PTPRS: variants seen among roughly 807,000 people sequenced by gnomAD.
The protein encoded by PTPRS is protein tyrosine phosphatase receptor type S.
Under a neutral mutation model 215.3 loss-of-function variants are expected in PTPRS, and 63 were observed. The observed-to-expected ratio is 0.29, with a 90% CI of 0.24 to 0.36. The LOEUF (loss-of-function observed/expected upper bound fraction) is 0.36, where lower values mean the gene tolerates loss of function less well. Among genes scored for constraint, PTPRS ranks in the 10% least tolerant of loss-of-function variants. PTPRS has a pLI of 1.00. For synonymous variants in PTPRS, 1,404 were observed against 1,191.4 expected (o/e 1.18, Z -3.68); for missense variants, 2,258 against 2,825.8 (o/e 0.80, Z 4.56).
chr19:5,271,531 C>G (rs2046909778), intron 4 of PTPRS, among the ~76,000 whole-genome samples: 1 of 151,496 alleles, frequency 6.6e-6, no homozygotes, highest in African/African-American at 2.4e-5. Context: ...TCCCGAATAG[C>G]TGGGATTACA....
rs1433677052 is a variant in PTPRS, at chr19:5,222,708, C to T, written c.3084G>A (p.Arg1028=). Residue 1028 remains arginine, a synonymous_variant, in exon 18 of 38, where the codon CGG becomes CGA. Coordinates refer to ENST00000262963, the MANE Select transcript of PTPRS (RefSeq NM_002850.4). ...PGPFSPPVRY[R]TFLRDQVSPK... The stretch of plus-strand genomic sequence containing the variant: ...GCCTACCTTGGTCCCGCAGGAACGT[C>T]CGGTAGCGGACGGGGGGGCTGAAGG... 6.3e-7 allele frequency: 1 copy of T among 1,592,344 alleles called. No individual in the cohort carries two copies. Among genetic ancestry groups the T allele is most frequent in the Non-Finnish European group, 8.5e-7 (1 of 1,175,526 alleles).
intron 17 of PTPRS, among the ~76,000 whole-genome samples, chr19:5,225,047 C>T (rs946950899): frequency 8.5e-5 from 13 of 152,054 alleles, no homozygotes; most frequent in Non-Finnish European, 1.6e-4. Context: ...GTGCCCTCCG[C>T]CCGGTGTACC....
In PTPRS at chr19:5,244,205, G is replaced by C. The variant is rs372632192; in HGVS notation, c.1266C>G (p.Gly422=). Residue 422 remains glycine (G), a synonymous_variant, in exon 11 of 38, where the codon GGC becomes GGG. Transcript: ENST00000262963. The surrounding 1 kb of genome is among the most constrained non-coding windows in gnomAD (Gnocchi z 7.2). ...GCGGCGCGCTGGCCGGGGCCTGCTC[G>C]CCTGTGCGGGTGACCACGGACTCGC... ...PPSESVVTRT[G]EQAPASAPRN... is the part of the protein sequence containing the mutation. 1.2e-6 allele frequency: 2 copies of C among 1,606,216 alleles called. No individual in the cohort carries two copies. The highest frequency in any genetic ancestry group is 1.7e-5 in the Admixed American group (1 of 59,630).
chr19:5,241,335 G>A (rs1268075356), intron 11 of PTPRS, among the ~76,000 whole-genome samples: 1 of 152,048 alleles, frequency 6.6e-6, no homozygotes, highest in Non-Finnish European at 1.5e-5. Flanking sequence ...CTAGGCTGGA[G>A]TGTAGTGGCA....
intron 2 of PTPRS, among the ~76,000 whole-genome samples, chr19:5,278,498 G>A (rs907406931): frequency 6.6e-6 from 1 of 151,652 alleles, no homozygotes; most frequent in Admixed American, 6.6e-5. Context: ...TTATTTCTGC[G>A]GCAGGGTCTC....
chr19:5,223,331 G>C (rs1348491101), intron 17 of PTPRS, 34 bp from the exon 18 acceptor site: 1 of 1,429,816 alleles, frequency 7.0e-7, no homozygotes. Flanking sequence ...CAGGGTCCCA[G>C]CGCCATCCGC....
intron 2 of PTPRS, among the ~76,000 whole-genome samples, chr19:5,282,552 C>G (rs2047949073): frequency 6.6e-6 from 1 of 152,158 alleles, no homozygotes; most frequent in Non-Finnish European, 1.5e-5. Context: ...CCTATAATCC[C>G]AGCACTTTGG....
At chr19:5,245,382 G>A (rs2044395455) in intron 10 of PTPRS, among the ~76,000 whole-genome samples, 1 of 152,050 alleles carries the variant, frequency 6.6e-6, no homozygotes, top group African/African-American at 2.4e-5. Context: ...TTGAACTCCT[G>A]GGCTCAAGCA....
chr19:5,226,560 G>A (rs560273649), intron 16 of PTPRS, among the ~76,000 whole-genome samples: 74 of 146,316 alleles, frequency 5.1e-4, no homozygotes, highest in African/African-American at 1.8e-3. Context: ...GTGAAACTTC[G>A]TCTCTACTAA....
chr19:5,260,466 C>T (rs566481715), intron 7 of PTPRS, among the ~76,000 whole-genome samples: 1 of 152,304 alleles, frequency 6.6e-6, no homozygotes, highest in South Asian at 2.1e-4. Context: ...AGGCGTGAAC[C>T]ACCGCGCCCG....
rs772283107 is a variant in PTPRS, at chr19:5,212,062, T to C, written c.4958A>G (p.Asn1653Ser). 1 of 1,613,958 alleles carries C rather than the reference T, an allele frequency of 6.2e-7. No individual in the cohort carries two copies. The highest frequency in any genetic ancestry group is 8.5e-7 in the Non-Finnish European group (1 of 1,180,060). The change falls in exon 32 of 38, where the codon AAC (asparagine) becomes AGC (serine). Residue 1653 changes from asparagine to serine, a missense_variant. Transcript: ENST00000262963. ...GAGGCTGCGTGCGGGCACTTCTGTG[T>C]TGCCACAGCCCACGGCCTCCAGCAG... ...EALLEAVGCG[N>S]TEVPARSLYA...
At chr19:5,235,129 A>G (rs1221982975) in intron 13 of PTPRS, among the ~76,000 whole-genome samples, 1 of 151,686 alleles carries the variant, frequency 6.6e-6, no homozygotes, top group African/African-American at 2.4e-5. Context: ...TTTAGGGGAG[A>G]CGGATTTTCA....
chr19:5,296,251 G>A (rs2049131012), intron 1 of PTPRS, among the ~76,000 whole-genome samples: 2 of 152,148 alleles, frequency 1.3e-5, no homozygotes, highest in South Asian at 2.1e-4. Context: ...GGATGATTGG[G>A]TTCAGGGTTG....
At chr19:5,275,183 G>A (rs1396306877) in intron 2 of PTPRS, among the ~76,000 whole-genome samples, 2 of 150,784 alleles carry the variant, frequency 1.3e-5, no homozygotes, top group Non-Finnish European at 2.9e-5. Flanking sequence ...CGATTCTCCT[G>A]CCTCAGCCTC....
In PTPRS at chr19:5,244,138, C is replaced by T. The variant is rs1205925337; in HGVS notation, c.1333G>A (p.Val445Met). ...ARMLSATTMI[V>M]QWEEPVEPNG... is the part of the protein sequence containing the mutation. ...GGCTCCACCGGCTCCTCCCACTGCA[C>T]AATCATGGTGGTCGCGCTGAGCATC... Residue 445 changes from valine (V) to methionine (M), a missense_variant, in exon 11 of 38, where the codon GTG (valine) becomes ATG (methionine). Coordinates refer to ENST00000262963, the MANE Select transcript of PTPRS (RefSeq NM_002850.4). The surrounding 1 kb of genome is among the most constrained non-coding windows in gnomAD (Gnocchi z 7.2). 3.1e-6 allele frequency: 5 copies of T among 1,605,280 alleles called. No individual in the cohort carries two copies. The highest frequency in any genetic ancestry group is 1.7e-5 in the Admixed American group (1 of 59,674).
At chr19:5,256,966 T>C (rs2045601768) in intron 8 of PTPRS, among the ~76,000 whole-genome samples, 1 of 151,716 alleles carries the variant, frequency 6.6e-6, no homozygotes, top group Non-Finnish European at 1.5e-5. Context: ...CAGAGAAGGA[T>C]GTGATTGAGT....
At chr19:5,298,108 C>G (rs752410422) in intron 1 of PTPRS, among the ~76,000 whole-genome samples, 1 of 152,116 alleles carries the variant, frequency 6.6e-6, no homozygotes, top group Non-Finnish European at 1.5e-5. Context: ...TCCAGTCTTT[C>G]TTCTATGCAT....
chr19:5,210,856 G>GT lies in PTPRS; in HGVS notation c.5235-52dup. ...AGGGCCGGCAGGGAGACCCGGCGTG[G>GT]TACTCACCTGATGCTGCCCGGGAGG... On this transcript the variant is annotated intron_variant, in intron 33 of 37. Coordinates refer to ENST00000262963, the MANE Select transcript of PTPRS (RefSeq NM_002850.4). The surrounding 1 kb of genome is among the most constrained non-coding windows in gnomAD (Gnocchi z 4.5). 6.3e-7 allele frequency: 1 copy of GT among 1,587,584 alleles called. No homozygotes were observed. Among genetic ancestry groups the GT allele is most frequent in the Non-Finnish European group, 8.5e-7 (1 of 1,170,278 alleles).
chr19:5,277,221 G>C (rs1477805124), intron 2 of PTPRS, among the ~76,000 whole-genome samples: 2 of 151,998 alleles, frequency 1.3e-5, no homozygotes, highest in East Asian at 1.9e-4. Context: ...AGCCACGCCT[G>C]GCTAATTTTT....
Sources: allele counts gnomAD v4.1 joint callset (sites outside exome capture counted in the v4.1 genomes callset), GRCh38; gene constraint gnomAD v4.1.1; non-coding constraint Gnocchi (gnomAD v3.1); transcripts MANE v1.5; gene names NCBI Gene and HGNC (gene_info 2026-07-23, HGNC 2026-07-21).